Variants in USP54 observed in about 807,000 individuals in gnomAD.
USP54 encodes the protein ubiquitin specific peptidase 54, also known as ubiquitin carboxyl-terminal hydrolase 54.
Under a neutral mutation model 170.5 loss-of-function variants are expected in USP54, and 87 were observed. The observed-to-expected ratio is 0.51, with a 90% CI of 0.43 to 0.61. USP54 has a LOEUF of 0.61. Among genes scored for constraint, USP54 ranks in the 20% least tolerant of loss-of-function variants. The probability of loss-of-function intolerance (pLI) is 0.00; values close to 1 mark genes in which losing one functional copy is unlikely to be tolerated. For synonymous variants in USP54, 655 were observed against 742.8 expected (o/e 0.88, Z 1.92); for missense variants, 1,786 against 2,047.8 (o/e 0.87, Z 2.47).
chr10:73,573,978 T>C (rs1439741975), intron 3 of USP54, among the ~76,000 whole-genome samples: 1 of 152,242 alleles, frequency 6.6e-6, no homozygotes, highest in African/African-American at 2.4e-5. Context: ...TCTTCTCTCA[T>C]AGCAACCCAT....
Position 73,498,627 on chromosome 10 carries a change from C to A in USP54, c.*2G>T. On this transcript the variant is annotated 3_prime_UTR_variant, in exon 24 of 24. Transcript: ENST00000687698. ...AGCTCCAGGAAAGGAAAGGAATAAC[C>A]TTTACCATTGACTGTGCTGCAGGAC... 2 of 1,525,746 alleles carry A rather than the reference C, an allele frequency of 1.3e-6. No individual in the cohort carries two copies. Among genetic ancestry groups the A allele is most frequent in the South Asian group, 1.3e-5 (1 of 76,562 alleles). The allele number at this position is 1,525,746 out of a possible 1,614,324, so 94.5% of individuals were successfully genotyped here.
intron 1 of USP54, among the ~76,000 whole-genome samples, chr10:73,577,955 G>A (rs2076341007): frequency 6.6e-6 from 1 of 152,136 alleles, no homozygotes; most frequent in Admixed American, 6.6e-5. Flanking sequence ...TGCTGCAAAG[G>A]AATGACAAGT....
At chr10:73,530,068 C>CA in intron 14 of USP54, 75 bp downstream of exon 14, 1 of 1,527,788 alleles carries the variant, frequency 6.5e-7, no homozygotes. Flanking sequence ...CCAGATGTAC[C>CA]AAAAAACCCA....
rs184522564 is a variant in USP54 at position 73,570,501 on chromosome 10, C to G, written c.240+920G>C. ...ATCTTTTAAGTGTGGTAATGGGAAACTAGGGAATAGAAAAATTTTAGTACT... is the reference window on the plus strand; with the variant it reads ...ATCTTTTAAGTGTGGTAATGGGAAAGTAGGGAATAGAAAAATTTTAGTACT... On this transcript the variant is annotated intron_variant, in intron 4 of 23. Transcript: ENST00000687698. Among the ~76,000 whole-genome samples the G allele has an allele frequency of 4.1e-3, 607 of 148,788 alleles. 11 individuals carry two copies. Among genetic ancestry groups the G allele is most frequent in the African/African-American group, 0.014 (576 of 40,732 alleles).
chr10:73,517,501 A>G lies in USP54; in HGVS notation c.2925T>C (p.Pro975=). 6.2e-7 allele frequency: 1 copy of G among 1,614,212 alleles called. No homozygotes were observed. Among genetic ancestry groups the G allele is most frequent in the Non-Finnish European group, 8.5e-7 (1 of 1,180,038 alleles). The change falls in exon 20 of 24, where the codon CCT becomes CCC. Residue 975 remains proline (P), a synonymous_variant. Coordinates refer to ENST00000687698, the MANE Select transcript of USP54 (RefSeq NM_001391956.1). ...TCTTCTCAGTCCACCCTGGTGCTTT[A>G]GGTAAACCTTGCCTGTGGAATGCAG... ...EPSAFHRQGL[P]KAPGWTEKNS...
rs376657146 is a variant in USP54, at chr10:73,599,762, A to T, written c.-17-24087T>A. Among the ~76,000 whole-genome samples the T allele has an allele frequency of 4.6e-5, 7 of 152,116 alleles. No individual in the cohort carries two copies. The East Asian group carries it at 5.8e-4, about 13-fold the overall frequency. On this transcript the variant is annotated intron_variant, in intron 1 of 22. Transcript: ENST00000339859. ...ATTTATTTTTTGTAAGAGTTTTACA[A>T]TTTCTCAAAAATCCTGCAAAACAGG... is the stretch of plus-strand genomic sequence containing the variant.
intron 4 of USP54, among the ~76,000 whole-genome samples, chr10:73,552,123 T>A (rs1245454682): frequency 1.3e-5 from 2 of 152,194 alleles, no homozygotes; most frequent in Non-Finnish European, 2.9e-5. Flanking sequence ...ATCCCAAGGC[T>A]GACACTTCAG....
intron 20 of USP54, among the ~76,000 whole-genome samples, chr10:73,511,464 A>T (rs568148367): frequency 6.6e-6 from 1 of 152,012 alleles, no homozygotes; most frequent in East Asian, 2.0e-4. Context: ...GTTTGAGACC[A>T]GCCTGGGCAA....
intron 1 of USP54, among the ~76,000 whole-genome samples, chr10:73,583,528 C>T (rs61865844): frequency 6.6e-6 from 1 of 152,118 alleles, no homozygotes; most frequent in Admixed American, 6.6e-5. Flanking sequence ...TCGGGTGATC[C>T]GCCCGCCTCA....
In USP54 at chr10:73,541,463, A is replaced by G; in HGVS notation, c.737T>C (p.Ile246Thr). Residue 246 changes from isoleucine (I) to threonine (T), a missense_variant, in exon 9 of 24, where the codon ATC becomes ACC. By Grantham distance (89) the Ile-to-Thr change is moderately conservative. Around this residue, in one of 3 missense-constraint regions of USP54, gnomAD observed 361 missense variants for 455.0 expected, o/e 0.79. Transcript: ENST00000687698. ...RRVLMNAPQI[I>T]TIGLVWDSDH... ...TGAGTCCCATACCAGCCCAATCGTG[A>G]TAATCTGTGGAGCATTCATCAACAC... 1 of 1,614,208 alleles carries G rather than the reference A, an allele frequency of 6.2e-7. No individual in the cohort carries two copies. Among genetic ancestry groups the G allele is most frequent in the Non-Finnish European group, 8.5e-7 (1 of 1,180,038 alleles).
rs746152232 is a variant in USP54 at position 73,546,233 on chromosome 10, G to T, written c.241-561C>A. ...TTTAAGACTGCCCCACTCTCTACCA[G>T]CCACTCATATCATAAATTTGTTGTA... On this transcript the variant is annotated intron_variant, in intron 4 of 23. Transcript: ENST00000687698. Among the ~76,000 whole-genome samples the T allele has an allele frequency of 3.3e-5, 5 of 152,100 alleles. No homozygotes were observed. The South Asian group carries it at 1.0e-3, about 32-fold the overall frequency.
Position 73,591,064 on chromosome 10 carries a change from G to T in USP54, c.-582+214C>A, listed in dbSNP as rs186329032. Among the ~76,000 whole-genome samples, 286 of 151,692 alleles carry T rather than the reference G, an allele frequency of 1.9e-3. 1 individual carries two copies. Among genetic ancestry groups the T allele is most frequent in the African/African-American group, 5.7e-3 (236 of 41,388 alleles). On this transcript the variant is annotated intron_variant, in intron 1 of 23. Transcript: ENST00000687698. ...CTAATAATTGTAACAGAGAGGAGGG[G>T]GAAAGAGCACAAACAACAGCTTGAA...
chr10:73,567,076 G>A (rs112919733), intron 4 of USP54, among the ~76,000 whole-genome samples: 10 of 151,544 alleles, frequency 6.6e-5, no homozygotes, highest in East Asian at 2.0e-4. Flanking sequence ...ATAGGGTTTC[G>A]CCATCTTGGC....
intron 1 of USP54, among the ~76,000 whole-genome samples, chr10:73,608,032 C>T (rs996572355): frequency 6.6e-6 from 1 of 151,900 alleles, no homozygotes. Context: ...GAGGCCAAGG[C>T]GGGTGGATCA....
At chr10:73,519,480 G>C (rs1416114309) in intron 19 of USP54, 1 of 310,794 alleles carries the variant, frequency 3.2e-6, no homozygotes, top group African/African-American at 2.1e-5. Context: ...ATGTAGCCTG[G>C]ATTGCCATGT....
chr10:73,612,801 A>G (rs189016865), intron 1 of USP54, among the ~76,000 whole-genome samples: 1 of 150,466 alleles, frequency 6.6e-6, no homozygotes, highest in East Asian at 2.0e-4. Context: ...GATCTTGCCA[A>G]AGCACTCCAG....
chr10:73,524,277 A>C (rs1379099980), intron 16 of USP54, among the ~76,000 whole-genome samples: 1 of 151,744 alleles, frequency 6.6e-6, no homozygotes, highest in African/African-American at 2.4e-5. Flanking sequence ...TGGGCCAGGA[A>C]TAATAATAAT....
chr10:73,591,225 G>A (rs1280656629), intron 1 of USP54, 53 bp downstream of exon 1: 3 of 151,904 alleles, frequency 2.0e-5, no homozygotes, highest in African/African-American at 4.8e-5. Context: ...AAAACTAACC[G>A]GTTCCTGAAT....
chr10:73,608,117 G>A (rs571186194), intron 1 of USP54, among the ~76,000 whole-genome samples: 4 of 151,696 alleles, frequency 2.6e-5, no homozygotes, highest in Non-Finnish European at 4.4e-5. Flanking sequence ...AAAATTAGCC[G>A]GGCATGGTAG....
Sources: gnomAD v4.1 joint callset for allele counts (sites outside exome capture counted in the v4.1 genomes callset) on GRCh38, gnomAD v4.1.1 for gene constraint, gnomAD v4.1.1 regional missense constraint, MANE v1.5 for transcripts, NCBI Gene and HGNC (gene_info 2026-07-23, HGNC 2026-07-21) for gene names.